DFFB: variants seen among roughly 807,000 people sequenced by gnomAD.
The protein encoded by DFFB is DNA fragmentation factor 40 kDa subunit.
Under a neutral mutation model 32.7 loss-of-function variants are expected in DFFB, and 29 were observed. That is an observed-to-expected ratio of 0.89 (90% CI 0.66 to 1.21). The LOEUF (loss-of-function observed/expected upper bound fraction) is 1.21, where lower values mean the gene tolerates loss of function less well. Ranked by LOEUF, DFFB falls within the 50% of genes most tolerant of loss-of-function variation. The pLI, the probability that DFFB is intolerant of heterozygous loss-of-function variation, is 0.00. For synonymous variants in DFFB, 170 were observed against 177.1 expected, an observed-to-expected ratio of 0.96 and a Z score of 0.32; for missense variants, 398 against 440.6, an observed-to-expected ratio of 0.90 and a Z score of 0.87.
At position 3,865,797 on chromosome 1, in the gene DFFB, T is replaced by C; in HGVS notation, c.242-15T>C. ...CTGCTGGACCGGCACCTTTTGTTTG[T>C]CCCATTGGTGGCAGATGTGAGCGAC... is the stretch of plus-strand genomic sequence containing the variant. On this transcript the variant is annotated splice_polypyrimidine_tract_variant and intron_variant, in intron 2 of 6. Coordinates refer to ENST00000378209, the MANE Select transcript of DFFB (RefSeq NM_004402.4). This position sits in a 1 kb window ranked among gnomAD's most constrained non-coding sequence, Gnocchi z 4.7. 1 of 1,614,062 alleles carries C rather than the reference T, an allele frequency of 6.2e-7. No homozygotes were observed. Among genetic ancestry groups the C allele is most frequent in the South Asian group, 1.1e-5 (1 of 91,080 alleles).
chr1:3,858,065 GA>G (rs1300965246), intron 1 of DFFB, among the ~76,000 whole-genome samples: 2 of 152,232 alleles, frequency 1.3e-5, no homozygotes, highest in Non-Finnish European at 2.9e-5. Flanking sequence ...TGAGTAACAT[GA>G]AAGGCTTGGC....
intron 5 of DFFB, among the ~76,000 whole-genome samples, chr1:3,872,264 T>TTGC (rs1364232543): frequency 6.6e-6 from 1 of 151,950 alleles, no homozygotes; most frequent in Admixed American, 6.6e-5. Flanking sequence ...AATACAAAAA[T>TTGC]TAGCCGGGCC....
intron 6 of DFFB, among the ~76,000 whole-genome samples, chr1:3,880,129 G>A (rs1645306186): frequency 6.6e-6 from 1 of 152,164 alleles, no homozygotes; most frequent in Non-Finnish European, 1.5e-5. Flanking sequence ...TAGAGGGTTT[G>A]AGGTGGAGGT....
chr1:3,883,785 G>A lies in DFFB; in HGVS notation c.*44G>A. 1 of 1,558,512 alleles carries A rather than the reference G, an allele frequency of 6.4e-7. No individual in the cohort carries two copies. The highest frequency in any genetic ancestry group is 8.8e-7 in the Non-Finnish European group (1 of 1,137,382). On this transcript the variant is annotated 3_prime_UTR_variant, in exon 7 of 7. Coordinates refer to ENST00000378209, the MANE Select transcript of DFFB (RefSeq NM_004402.4). ...TGGTCTTTGTTTGAGGCCTGACGTG[G>A]GCATCATTTTAACAGGTGCCTTTTT...
chr1:3,869,754 G>C lies in DFFB; in HGVS notation c.660G>C (p.Pro220=). The change falls in exon 5 of 7, where the codon CCG becomes CCC. Residue 220 remains proline, a synonymous_variant. Coordinates refer to ENST00000378209, the MANE Select transcript of DFFB (RefSeq NM_004402.4). ...AGGGCGGCAGCCGCCTCTGCACACC[G>C]GAAGGCTGGTTCTCCTGCCAGGTGA... ...GAKGGSRLCT[P]EGWFSCQGPF... 6.2e-7 allele frequency: 1 copy of C among 1,606,634 alleles called. No homozygotes were observed. The highest frequency in any genetic ancestry group is 8.5e-7 in the Non-Finnish European group (1 of 1,174,926).
chr1:3,864,704 T>G (rs1018567156), intron 2 of DFFB, among the ~76,000 whole-genome samples: 3 of 152,036 alleles, frequency 2.0e-5, no homozygotes, highest in Non-Finnish European at 2.9e-5. Flanking sequence ...TATTATGATT[T>G]TTTTTAGAGA....
Position 3,870,768 on chromosome 1 carries a change from T to A in DFFB, c.681+993T>A, listed in dbSNP as rs72848477. 3.3e-3 allele frequency among the ~76,000 whole-genome samples: 503 copies of A among 152,072 alleles called. 2 individuals are homozygous for A. The highest frequency in any genetic ancestry group is 0.012 in the African/African-American group (479 of 41,492). On this transcript the variant is annotated intron_variant, in intron 5 of 6. Coordinates refer to ENST00000378209, the MANE Select transcript of DFFB (RefSeq NM_004402.4). ...GGGTGGGGCCTTAGAGCAGGTTGACTGATAGGTGGGGGTGCAAGAGTGAGC... is the reference window on the plus strand; with the variant it reads ...GGGTGGGGCCTTAGAGCAGGTTGACAGATAGGTGGGGGTGCAAGAGTGAGC...
chr1:3,878,698 G>A (rs970382877), intron 6 of DFFB, among the ~76,000 whole-genome samples: 2 of 152,246 alleles, frequency 1.3e-5, no homozygotes, highest in East Asian at 1.9e-4. Flanking sequence ...CCCCTCTCCC[G>A]GGCCGGCCTC....
chr1:3,867,147 C>T (rs952084617), intron 3 of DFFB, among the ~76,000 whole-genome samples: 42 of 152,350 alleles, frequency 2.8e-4, no homozygotes, highest in Middle Eastern at 6.8e-3. Flanking sequence ...CCGCCCGCCT[C>T]GGCCTCCCAA....
At chr1:3,876,716 G>A (rs536023865) in intron 6 of DFFB, among the ~76,000 whole-genome samples, 35 of 152,372 alleles carry the variant, frequency 2.3e-4, no homozygotes, top group Admixed American at 2.1e-3. Flanking sequence ...TCCGGGATGT[G>A]CACAGCAGTG....
chr1:3,872,274 C>A (rs1045150112), intron 5 of DFFB, among the ~76,000 whole-genome samples, 198 bp from the exon 6 acceptor site: 2 of 152,096 alleles, frequency 1.3e-5, no homozygotes, highest in African/African-American at 2.4e-5. Flanking sequence ...TTAGCCGGGC[C>A]TGATGGCGGG....
At chr1:3,872,422 A>G in intron 5 of DFFB, 50 bp from the exon 6 acceptor site, 4 of 1,452,066 alleles carry the variant, frequency 2.8e-6, no homozygotes, top group South Asian at 1.2e-5. Context: ...AAGAAAAAAA[A>G]AAAAAGAGAC....
chr1:3,872,421 A>G, intron 5 of DFFB, 51 bp from the exon 6 acceptor site: 1 of 1,446,910 alleles, frequency 6.9e-7, no homozygotes, highest in Non-Finnish European at 9.6e-7. Flanking sequence ...CAAGAAAAAA[A>G]AAAAAAGAGA....
At chr1:3,868,659 G>GCCACACCACACCAGGCCACACCACA (rs1557716190) in intron 4 of DFFB, among the ~76,000 whole-genome samples, 1 of 10,970 alleles carries the variant, frequency 9.1e-5, no homozygotes, top group African/African-American at 5.7e-4. Flanking sequence ...ACCACACCAG[G>GCCACACCACACCAGGCCACACCACA]CCACACCACA....
Position 3,865,723 on chromosome 1 carries a change from G to A in DFFB, c.242-89G>A. On this transcript the variant is annotated intron_variant, in intron 2 of 6. Coordinates refer to ENST00000378209, the MANE Select transcript of DFFB (RefSeq NM_004402.4). The surrounding 1 kb of genome is among the most constrained non-coding windows in gnomAD (Gnocchi z 4.7). ...TGATTGCCAGGCCCTGGGGAATGGGGGAAGATGTGGTCAGAGGCTCTTCTT... is the reference window on the plus strand; with the variant it reads ...TGATTGCCAGGCCCTGGGGAATGGGAGAAGATGTGGTCAGAGGCTCTTCTT... 3.1e-6 allele frequency: 5 copies of A among 1,601,568 alleles called. No individual in the cohort carries two copies. Among genetic ancestry groups the A allele is most frequent in the Non-Finnish European group, 4.3e-6 (5 of 1,168,710 alleles).
In DFFB at chr1:3,873,922, A is replaced by AT. The variant is rs144166206; in HGVS notation, c.782+1359dup. On this transcript the variant is annotated intron_variant, in intron 6 of 6. Transcript: ENST00000378209. ...CAACCTGTATTGCTTTCGGAGTGAG[A>AT]TTTTTTTTTAAAGTATGTAAAACAC... Among the ~76,000 whole-genome samples, 639 of 152,020 alleles carry AT rather than the reference A, an allele frequency of 4.2e-3. 2 individuals carry two copies. The highest frequency in any genetic ancestry group is 0.014 in the African/African-American group (600 of 41,454).
intron 2 of DFFB, chr1:3,860,366 A>T: frequency 2.7e-6 from 1 of 368,888 alleles, no homozygotes. Context: ...ATCTGGGACC[A>T]CAGGCATGCA....
chr1:3,864,033 C>T (rs1253722593), intron 2 of DFFB, among the ~76,000 whole-genome samples: 6 of 152,102 alleles, frequency 3.9e-5, no homozygotes, highest in Non-Finnish European at 8.8e-5. Context: ...GTGGCGCGAT[C>T]TCGGCTCACT....
chr1:3,880,439 A>G (rs912746172), intron 6 of DFFB, among the ~76,000 whole-genome samples: 2 of 152,180 alleles, frequency 1.3e-5, no homozygotes, highest in Admixed American at 6.5e-5. Context: ...TCAGAGAGTT[A>G]TGGAGTCTGA....
Sources: gnomAD v4.1 joint callset for allele counts (sites outside exome capture counted in the v4.1 genomes callset) on GRCh38, gnomAD v4.1.1 for gene constraint, Gnocchi (gnomAD v3.1) non-coding constraint, MANE v1.5 for transcripts, NCBI Gene and HGNC (gene_info 2026-07-23, HGNC 2026-07-21) for gene names.